STXBP5: variants seen among roughly 807,000 people sequenced by gnomAD.
STXBP5 encodes the protein syntaxin-binding protein 5.
A neutral mutation model predicts 152.4 loss-of-function variants in STXBP5; 50 were observed. That is an observed-to-expected ratio of 0.33 (90% CI 0.26 to 0.42). The LOEUF is 0.42. Among genes scored for constraint, STXBP5 ranks in the 10% least tolerant of loss-of-function variants. The pLI is 1.00. For missense variants in STXBP5, 1,167 were observed against 1,388.6 expected (o/e 0.84, Z 2.54); for synonymous variants, 492 against 494.7 (o/e 0.99, Z 0.07).
rs1232845468 is a variant in STXBP5 at position 147,389,106 on chromosome 6, T to G, written c.*4351T>G. The stretch of plus-strand genomic sequence containing the variant: ...TGAAATTTATGCCCACAGATTTTTC[T>G]TTTCATTTGAAAATGAATGTGAAGA... On this transcript the variant is annotated 3_prime_UTR_variant, in exon 28 of 28. Coordinates refer to ENST00000321680, the MANE Select transcript of STXBP5 (RefSeq NM_001127715.4). 4 of 151,694 alleles carry G rather than the reference T, an allele frequency of 2.6e-5. No homozygotes were observed. Among genetic ancestry groups the G allele is most frequent in the African/African-American group, 9.7e-5 (4 of 41,416 alleles). The allele number at this position is 151,694 out of a possible 1,614,324, so 9.4% of individuals were successfully genotyped here.
intron 2 of STXBP5, among the ~76,000 whole-genome samples, chr6:147,209,116 A>C (rs1322360091): frequency 6.6e-6 from 1 of 152,108 alleles, no homozygotes; most frequent in Non-Finnish European, 1.5e-5. Flanking sequence ...CTTATTTTTA[A>C]AGTAAATTTT....
chr6:147,294,130 G>T (rs953280209), intron 9 of STXBP5, among the ~76,000 whole-genome samples: 1 of 152,090 alleles, frequency 6.6e-6, no homozygotes, highest in South Asian at 2.1e-4. Flanking sequence ...TTCTTTATAA[G>T]AAGTTAGAAA....
chr6:147,316,450 T>C, intron 16 of STXBP5, 43 bp downstream of exon 16: 1 of 1,395,420 alleles, frequency 7.2e-7, no homozygotes, highest in Non-Finnish European at 9.4e-7. Flanking sequence ...ATATTATCTT[T>C]TAATTTATAT....
At chr6:147,234,699 A>G (rs941712569) in intron 2 of STXBP5, among the ~76,000 whole-genome samples, 1 of 152,000 alleles carries the variant, frequency 6.6e-6, no homozygotes, top group Non-Finnish European at 1.5e-5. Flanking sequence ...AAAGATTGAC[A>G]CGTTCATTTG....
chr6:147,255,300 G>A (rs867224330), intron 4 of STXBP5, among the ~76,000 whole-genome samples: 10 of 152,128 alleles, frequency 6.6e-5, no homozygotes, highest in East Asian at 1.9e-4. Flanking sequence ...ACGCTGAGGC[G>A]TGTCGGAGGG....
intron 3 of STXBP5, among the ~76,000 whole-genome samples, chr6:147,237,231 A>G (rs2115188341): frequency 6.6e-6 from 1 of 152,192 alleles, no homozygotes; most frequent in African/African-American, 2.4e-5. Flanking sequence ...TTTCTCTTCA[A>G]TAAGATTGAT....
chr6:147,364,268 C>A, intron 25 of STXBP5, 102 bp downstream of exon 25: 3 of 1,062,872 alleles, frequency 2.8e-6, no homozygotes, highest in Non-Finnish European at 3.9e-6. Context: ...TACAAGTGAG[C>A]CTGCTTGGGA....
At chr6:147,238,699 A>G (rs1472137260) in intron 3 of STXBP5, among the ~76,000 whole-genome samples, 1 of 152,164 alleles carries the variant, frequency 6.6e-6, no homozygotes, top group Non-Finnish European at 1.5e-5. Flanking sequence ...GCCAAATGCT[A>G]TGTTTATTTT....
chr6:147,348,627 A>G (rs1456548826), intron 21 of STXBP5, among the ~76,000 whole-genome samples: 1 of 152,196 alleles, frequency 6.6e-6, no homozygotes, highest in East Asian at 1.9e-4. Flanking sequence ...AAAAAATACT[A>G]AAAGCACACT....
intron 23 of STXBP5, among the ~76,000 whole-genome samples, chr6:147,359,580 A>C (rs1712675084): frequency 6.6e-6 from 1 of 151,330 alleles, no homozygotes; most frequent in South Asian, 2.1e-4. Context: ...ATCTAGCATT[A>C]GGTATATCTC....
chr6:147,335,061 T>C (rs1385296577), intron 19 of STXBP5, among the ~76,000 whole-genome samples: 1 of 152,180 alleles, frequency 6.6e-6, no homozygotes, highest in Non-Finnish European at 1.5e-5. Flanking sequence ...GTTTGCCTTT[T>C]ACAATTGCAT....
At chr6:147,300,108 A>T (rs1781733454) in intron 9 of STXBP5, among the ~76,000 whole-genome samples, 1 of 152,064 alleles carries the variant, frequency 6.6e-6, no homozygotes, top group Non-Finnish European at 1.5e-5. Flanking sequence ...AACAAAGGAG[A>T]TAAAAGATCT....
At chr6:147,289,616 C>T (rs59163794) in intron 8 of STXBP5, among the ~76,000 whole-genome samples, 9 of 151,426 alleles carry the variant, frequency 5.9e-5, no homozygotes, top group Admixed American at 2.6e-4. Flanking sequence ...AGGAAGATGA[C>T]GTAGAAGCAT....
In STXBP5 at chr6:147,388,564, A is replaced by T. The variant is rs1213335329; in HGVS notation, c.*3809A>T. The T allele has an allele frequency of 6.6e-6, 1 of 151,578 alleles. No individual in the cohort carries two copies. The highest frequency in any genetic ancestry group is 1.5e-5 in the Non-Finnish European group (1 of 67,630). 9.4% of individuals were successfully genotyped at this position (151,578 alleles called of 1,614,324 possible). On this transcript the variant is annotated 3_prime_UTR_variant, in exon 28 of 28. Transcript: ENST00000321680. ...ATACAAAAAGTTATGTTTTACGCTT[A>T]TAATAAGAAATACTGGTATCTCATA...
chr6:147,333,611 T>A (rs1238901837), intron 18 of STXBP5, among the ~76,000 whole-genome samples: 1 of 152,220 alleles, frequency 6.6e-6, no homozygotes, highest in Non-Finnish European at 1.5e-5. Context: ...AATGGGAAAC[T>A]TTTCTTAGAA....
At chr6:147,254,875 T>C (rs1779278800) in intron 4 of STXBP5, among the ~76,000 whole-genome samples, 1 of 152,210 alleles carries the variant, frequency 6.6e-6, no homozygotes, top group Non-Finnish European at 1.5e-5. Context: ...GGTGGGAGTG[T>C]AAATTAGTTC....
In STXBP5 at chr6:147,385,342, A is replaced by C. The variant is rs1354415797; in HGVS notation, c.*587A>C. 6.6e-6 allele frequency: 1 copy of C among 152,108 alleles called. No individual in the cohort carries two copies. 9.4% of individuals were successfully genotyped at this position (152,108 alleles called of 1,614,324 possible). On this transcript the variant is annotated 3_prime_UTR_variant, in exon 28 of 28. Transcript: ENST00000321680. ...TGGGCTTTAAATAATAAAAACATAC[A>C]CATAGTTGACTTGTGTATGAGCTAC...
chr6:147,288,358 G>A (rs1326928325), intron 8 of STXBP5, among the ~76,000 whole-genome samples: 1 of 152,118 alleles, frequency 6.6e-6, no homozygotes, highest in Non-Finnish European at 1.5e-5. Context: ...CCTCTCTGTT[G>A]GCTGATACTA....
intron 7 of STXBP5, among the ~76,000 whole-genome samples, chr6:147,268,568 C>T (rs1780004217): frequency 6.6e-6 from 1 of 152,178 alleles, no homozygotes; most frequent in African/African-American, 2.4e-5. Context: ...TTGCTGCTCA[C>T]TAGTCAGGAT....
Sources: gnomAD v4.1 joint callset for allele counts (sites outside exome capture counted in the v4.1 genomes callset) on GRCh38, gnomAD v4.1.1 for gene constraint, MANE v1.5 for transcripts, NCBI Gene and HGNC (gene_info 2026-07-23, HGNC 2026-07-21) for gene names.